The following JAM3 variants were observed in gnomAD, a reference collection of about 807,000 sequenced individuals.
JAM3 encodes the protein junctional adhesion molecule 3.
JAM3 carries 31 observed loss-of-function variants against 39.4 expected under a neutral mutation model. The ratio of observed to expected loss-of-function variants is 0.79; its 90% confidence interval spans 0.59 to 1.06. The LOEUF is 1.06. Among genes scored for constraint, JAM3 ranks in the 50% least tolerant of loss-of-function variants. The probability of loss-of-function intolerance (pLI) is 0.00; values close to 1 mark genes in which losing one functional copy is unlikely to be tolerated. For synonymous variants in JAM3, 182 were observed against 148.7 expected (o/e 1.22, Z -1.63); for missense variants, 455 against 391.4 (o/e 1.16, Z -1.37).
At chr11:134,100,813 T>C (rs1213107594) in intron 1 of JAM3, among the ~76,000 whole-genome samples, 2 of 152,238 alleles carry the variant, frequency 1.3e-5, no homozygotes, top group African/African-American at 2.4e-5. Context: ...GCAGTAGAGA[T>C]AGACTTCAAA....
At chr11:134,103,349 G>A (rs2120691378) in intron 1 of JAM3, among the ~76,000 whole-genome samples, 1 of 152,238 alleles carries the variant, frequency 6.6e-6, no homozygotes, top group South Asian at 2.1e-4. Flanking sequence ...CCCTACAAGA[G>A]CTCCTGAAGG....
chr11:134,138,736 TTAG>T (rs1942919380), intron 1 of JAM3, among the ~76,000 whole-genome samples: 1 of 152,266 alleles, frequency 6.6e-6, no homozygotes, highest in Non-Finnish European at 1.5e-5. Context: ...TGGAAGTGTT[TTAG>T]GAACCAATAG....
chr11:134,150,504 C>G lies in JAM3; in HGVS notation c.*1323C>G, dbSNP rs1943187473. 1 of 152,254 alleles carries G rather than the reference C, an allele frequency of 6.6e-6. No individual in the cohort carries two copies. Among genetic ancestry groups the G allele is most frequent in the African/African-American group, 2.4e-5 (1 of 41,474 alleles). 9.4% of individuals were successfully genotyped at this position (152,254 alleles called of 1,614,324 possible). A position where few individuals can be genotyped will look rare whatever the true frequency, so the allele number is the denominator to read the frequency against. On this transcript the variant is annotated 3_prime_UTR_variant, in exon 9 of 9. Coordinates refer to ENST00000299106, the MANE Select transcript of JAM3 (RefSeq NM_032801.5). ...CCCAGTGAGCTTTACTCACGTGGCC[C>G]TTGCTTCATCCAGCACAGCTCTCAG... is the stretch of plus-strand genomic sequence containing the variant.
chr11:134,082,775 A>G (rs1009067784), intron 1 of JAM3, among the ~76,000 whole-genome samples: 1 of 152,152 alleles, frequency 6.6e-6, no homozygotes, highest in African/African-American at 2.4e-5. Context: ...AAAGTTTTAT[A>G]TACTATTTTG....
chr11:134,093,441 A>C (rs1420704129), intron 1 of JAM3, among the ~76,000 whole-genome samples: 74 of 96,578 alleles, frequency 7.7e-4, no homozygotes, highest in Middle Eastern at 0.016. Context: ...TTCTCCTGAA[A>C]CCTCCTTATT....
intron 1 of JAM3, among the ~76,000 whole-genome samples, chr11:134,136,680 T>C (rs1015134484): frequency 1.2e-4 from 18 of 152,210 alleles, no homozygotes; most frequent in African/African-American, 4.1e-4. Context: ...TCCTGGGATA[T>C]ACTGCCTTCT....
At chr11:134,110,834 C>T (rs1591788494) in intron 1 of JAM3, among the ~76,000 whole-genome samples, 1 of 151,982 alleles carries the variant, frequency 6.6e-6, no homozygotes, top group South Asian at 2.1e-4. Context: ...TAAATATGTG[C>T]ACTTTATATG....
At chr11:134,128,157 T>C (rs1942689464) in intron 1 of JAM3, among the ~76,000 whole-genome samples, 1 of 152,206 alleles carries the variant, frequency 6.6e-6, no homozygotes, top group African/African-American at 2.4e-5. Context: ...ATATTGTTAT[T>C]ATCACTTGAG....
chr11:134,075,279 AAGG>A (rs1941548004), intron 1 of JAM3, among the ~76,000 whole-genome samples: 1 of 152,176 alleles, frequency 6.6e-6, no homozygotes, highest in African/African-American at 2.4e-5. Context: ...GAATTTCAAA[AAGG>A]AGCTGGACTT....
chr11:134,122,600 A>C (rs1942557099), intron 1 of JAM3, among the ~76,000 whole-genome samples: 1 of 152,116 alleles, frequency 6.6e-6, no homozygotes, highest in Admixed American at 6.5e-5. Context: ...ACACATACTC[A>C]CTAGGCATCA....
chr11:134,132,798 C>T (rs1942792579), intron 1 of JAM3, among the ~76,000 whole-genome samples: 4 of 152,174 alleles, frequency 2.6e-5, no homozygotes, highest in African/African-American at 2.4e-5. Flanking sequence ...TCTGGGGGGG[C>T]CTGCTAAGAC....
chr11:134,145,092 G>T, intron 5 of JAM3, 98 bp downstream of exon 5: 1 of 1,016,474 alleles, frequency 9.8e-7, no homozygotes, highest in Non-Finnish European at 1.5e-6. Flanking sequence ...GAAACTTCTT[G>T]ATAAGACAGG....
At chr11:134,120,402 T>G (rs560144509) in intron 1 of JAM3, among the ~76,000 whole-genome samples, 1 of 152,226 alleles carries the variant, frequency 6.6e-6, no homozygotes, top group Non-Finnish European at 1.5e-5. Context: ...TAGTTCTTAG[T>G]GAGCAACACA....
chr11:134,081,254 C>T (rs1192985768), intron 1 of JAM3, among the ~76,000 whole-genome samples: 2 of 152,188 alleles, frequency 1.3e-5, no homozygotes, highest in Non-Finnish European at 1.5e-5. Context: ...AAGCTGGCTG[C>T]AGAAATTTGC....
At chr11:134,137,249 A>C (rs1487262745) in intron 1 of JAM3, among the ~76,000 whole-genome samples, 2 of 152,232 alleles carry the variant, frequency 1.3e-5, no homozygotes. Flanking sequence ...TTACCTTCCA[A>C]GTTTATTATA....
intron 1 of JAM3, among the ~76,000 whole-genome samples, chr11:134,085,962 T>C (rs1941740529): frequency 6.6e-6 from 1 of 152,150 alleles, no homozygotes; most frequent in Non-Finnish European, 1.5e-5. Flanking sequence ...AGTTTGTATG[T>C]TTCTTTATCT....
chr11:134,142,112 G>C (rs1591806743), intron 3 of JAM3, among the ~76,000 whole-genome samples: 1 of 152,136 alleles, frequency 6.6e-6, no homozygotes. Context: ...TGAGCATGTA[G>C]TTAGAGCATC....
At chr11:134,121,417 C>A (rs565475275) in intron 1 of JAM3, among the ~76,000 whole-genome samples, 167 of 145,196 alleles carry the variant, frequency 1.2e-3, no homozygotes, top group Non-Finnish European at 2.1e-3. Flanking sequence ...TGAGCAGAAG[C>A]GAGTCAGTAT....
At chr11:134,076,703 TTTTTA>T (rs140397701) in intron 1 of JAM3, among the ~76,000 whole-genome samples, 1,631 of 152,168 alleles carry the variant, frequency 0.011, 17 homozygotes, top group Non-Finnish European at 0.014. Flanking sequence ...GGGGAAGTAT[TTTTTA>T]TTTTATTTAA....
Sources: gnomAD v4.1 joint callset for allele counts (sites outside exome capture counted in the v4.1 genomes callset) on GRCh38, gnomAD v4.1.1 for gene constraint, MANE v1.5 for transcripts, NCBI Gene and HGNC (gene_info 2026-07-23, HGNC 2026-07-21) for gene names.